TRRAP: variants seen among roughly 807,000 people sequenced by gnomAD.
TRRAP encodes transformation/transcription domain associated protein.
Under a neutral mutation model 438.8 loss-of-function variants are expected in TRRAP, and 41 were observed. That is an observed-to-expected ratio of 0.09 (90% CI 0.07 to 0.12). The LOEUF is 0.12. Among genes scored for constraint, TRRAP ranks in the 10% least tolerant of loss-of-function variants. The probability of loss-of-function intolerance (pLI) is 1.00; values close to 1 mark genes in which losing one functional copy is unlikely to be tolerated. For synonymous variants in TRRAP, 1,994 were observed against 1,962.9 expected, an observed-to-expected ratio of 1.02 and a Z score of -0.42; for missense variants, 3,122 against 5,055.1, an observed-to-expected ratio of 0.62 and a Z score of 11.60.
At chr7:98,944,807 G>A (rs185682373) in intron 31 of TRRAP, among the ~76,000 whole-genome samples, 3 of 152,172 alleles carry the variant, frequency 2.0e-5, no homozygotes, top group Admixed American at 6.5e-5. Flanking sequence ...AGCTGCCCTC[G>A]AGCATTTTTT....
Position 98,900,683 on chromosome 7 carries a change from C to T in TRRAP, c.860C>T (p.Thr287Ile). The T allele has an allele frequency of 1.2e-6, 2 of 1,613,594 alleles. No individual in the cohort carries two copies. The highest frequency in any genetic ancestry group is 1.3e-5 in the African/African-American group (1 of 75,044). ...GACTTCATTGCTGCTCAGATTAAAACATTGTCATTTTTAGCTTACATTATC... is the reference window on the plus strand; with the variant it reads ...GACTTCATTGCTGCTCAGATTAAAATATTGTCATTTTTAGCTTACATTATC... Reference protein sequence around the residue: ...YADFIAAQIKTLSFLAYIIRI... With the variant: ...YADFIAAQIKILSFLAYIIRI... The change falls in exon 11 of 73, where the codon ACA becomes ATA. Residue 287 changes from threonine to isoleucine, a missense_variant. Coordinates refer to ENST00000456197, the MANE Select transcript of TRRAP (RefSeq NM_001375524.1).
In TRRAP at chr7:98,962,345, C is replaced by G. The variant is rs779787768; in HGVS notation, c.6747C>G (p.Leu2249=). The change falls in exon 47 of 73, where the codon CTC becomes CTG. Residue 2249 remains leucine (L), a synonymous_variant. Coordinates refer to ENST00000456197, the MANE Select transcript of TRRAP (RefSeq NM_001375524.1). ...VASKYEELEC[L]YAAVGKVIYE... ...CCAAATATGAAGAGCTGGAGTGCCT[C>G]TACGCAGCCGTCGGAAAGGTCATCT... The G allele has an allele frequency of 3.1e-6, 5 of 1,614,084 alleles. No homozygotes were observed. Among genetic ancestry groups the G allele is most frequent in the Admixed American group, 1.7e-5 (1 of 60,010 alleles).
intron 7 of TRRAP, 28 bp downstream of exon 7, chr7:98,895,848 T>C (rs781953611): frequency 1.3e-6 from 2 of 1,549,822 alleles, no homozygotes; most frequent in Non-Finnish European, 1.8e-6. Flanking sequence ...TTTTAATTAG[T>C]TACATTTGTT....
At chr7:98,953,130 C>T (rs1554418621) in intron 39 of TRRAP, 37 bp from the exon 40 acceptor site, 1 of 1,600,786 alleles carries the variant, frequency 6.2e-7, no homozygotes, top group South Asian at 1.1e-5. Flanking sequence ...ACCCAGTTCA[C>T]AACTGGAAAT....
chr7:98,895,432 C>T (rs1349150783), intron 6 of TRRAP, among the ~76,000 whole-genome samples: 6 of 152,280 alleles, frequency 3.9e-5, no homozygotes, highest in East Asian at 3.9e-4. Context: ...CAGTGGTTTA[C>T]GGCCCCACAG....
intron 48 of TRRAP, 21 bp from the exon 49 acceptor site, chr7:98,965,675 G>C (rs760533675): frequency 2.5e-6 from 4 of 1,613,748 alleles, no homozygotes; most frequent in Non-Finnish European, 3.4e-6. Context: ...CCGTGGGTTT[G>C]TTCTTAATTG....
intron 22 of TRRAP, among the ~76,000 whole-genome samples, chr7:98,926,338 T>C (rs1469216208): frequency 6.6e-6 from 1 of 151,056 alleles, no homozygotes; most frequent in East Asian, 1.9e-4. Context: ...CAAACTATAG[T>C]GAAACAACTA....
chr7:98,976,042 A>G lies in TRRAP; in HGVS notation c.7840-107A>G. The G allele has an allele frequency of 7.4e-7, 1 of 1,357,412 alleles. No homozygotes were observed. Among genetic ancestry groups the G allele is most frequent in the Non-Finnish European group, 9.9e-7 (1 of 1,007,766 alleles). 84.1% of individuals were successfully genotyped at this position (1,357,412 alleles called of 1,614,324 possible). Reference sequence around the variant, plus strand: ...CAGATCTTTGAAACTTTGAAAGTGGAGGAGCATCGGTAATGTATGAGACAG... The same window carrying G: ...CAGATCTTTGAAACTTTGAAAGTGGGGGAGCATCGGTAATGTATGAGACAG... On this transcript the variant is annotated intron_variant, in intron 53 of 72. Coordinates refer to ENST00000456197, the MANE Select transcript of TRRAP (RefSeq NM_001375524.1). This position sits in a 1 kb window ranked among gnomAD's most constrained non-coding sequence, Gnocchi z 4.6.
chr7:98,950,408 G>C (rs782452439), intron 38 of TRRAP, 146 bp downstream of exon 38: 2 of 991,938 alleles, frequency 2.0e-6, no homozygotes, highest in Non-Finnish European at 2.9e-6. Flanking sequence ...TGTAATCCCA[G>C]GTACTCAGGA....
intron 69 of TRRAP, among the ~76,000 whole-genome samples, chr7:99,006,554 G>A (rs1299130891): frequency 6.6e-6 from 1 of 152,140 alleles, no homozygotes; most frequent in Non-Finnish European, 1.5e-5. Context: ...TTTCTTTATG[G>A]GTAGACGCCA....
intron 51 of TRRAP, among the ~76,000 whole-genome samples, chr7:98,969,638 G>T (rs561966483): frequency 6.6e-5 from 10 of 152,080 alleles, no homozygotes; most frequent in African/African-American, 2.4e-4. Flanking sequence ...GTGTGGTGGC[G>T]AGTGGCCCAA....
chr7:98,935,624 C>T lies in TRRAP; in HGVS notation c.4060C>T (p.Pro1354Ser), dbSNP rs1554414068. Residue 1354 changes from proline (P) to serine (S), a missense_variant, in exon 28 of 73, where the codon CCC (proline) becomes TCC (serine). Physicochemically the swap from Pro to Ser is moderately conservative, Grantham distance 74. Around this residue, in one of 24 missense-constraint regions of TRRAP, gnomAD observed 84 missense variants for 119.8 expected, o/e 0.70. Transcript: ENST00000456197. ...EAEDSALTKLPCYKSLPSLVP... is the reference protein window; with the variant it reads ...EAEDSALTKLSCYKSLPSLVP... ...TGAAGATTCAGCTTTAACAAAGCTG[C>T]CCTGTTATAAAAGCCTTCCGTCACT... 1.2e-6 allele frequency: 2 copies of T among 1,605,534 alleles called. No individual in the cohort carries two copies. Among genetic ancestry groups the T allele is most frequent in the African/African-American group, 1.3e-5 (1 of 74,816 alleles).
At chr7:98,980,831 A>G (rs1237704473) in intron 58 of TRRAP, among the ~76,000 whole-genome samples, 1 of 152,258 alleles carries the variant, frequency 6.6e-6, no homozygotes, top group East Asian at 1.9e-4. Context: ...AGGCAGGCAG[A>G]TCACTTGAGC....
intron 9 of TRRAP, 69 bp from the exon 10 acceptor site, chr7:98,899,609 CT>C: frequency 6.2e-7 from 1 of 1,605,396 alleles, no homozygotes; most frequent in Admixed American, 1.7e-5. Context: ...TGTGATGATT[CT>C]TCGGTATGCC....
chr7:99,001,545 T>TA (rs537451074), intron 67 of TRRAP, among the ~76,000 whole-genome samples: 202 of 150,348 alleles, frequency 1.3e-3, no homozygotes, highest in African/African-American at 4.4e-3. Context: ...TAAAAAAAAA[T>TA]AAAAAATCAC....
chr7:98,925,237 A>C lies in TRRAP; in HGVS notation c.2949A>C (p.Ala983=). 1 of 1,613,970 alleles carries C rather than the reference A, an allele frequency of 6.2e-7. No individual in the cohort carries two copies. ...TGAGCCTGGAGGACAACAAGCACGC[A>C]CTCTACCAGCTCCTGGCACACCCCA... is the stretch of plus-strand genomic sequence containing the variant. The part of the protein sequence containing the change: ...AMMSLEDNKH[A]LYQLLAHPNF... Residue 983 remains alanine (A), a synonymous_variant, in exon 22 of 73, where the codon GCA becomes GCC. Transcript: ENST00000456197.
At chr7:98,991,772 G>A (rs1339798196) in intron 64 of TRRAP, among the ~76,000 whole-genome samples, 2 of 152,194 alleles carry the variant, frequency 1.3e-5, no homozygotes, top group African/African-American at 4.8e-5. Flanking sequence ...GTGCCTGACA[G>A]ATTAGCTGGT....
At position 98,973,697 on chromosome 7, in the gene TRRAP, C is replaced by G. The variant is rs996745854; in HGVS notation, c.7839+1752C>G. ...AGTCTCAGGGCCCATCTGTGTCACC[C>G]TTTGTAAGAGGATTGCTCAGGCCGG... On this transcript the variant is annotated intron_variant, in intron 53 of 72. Transcript: ENST00000456197. 5.3e-5 allele frequency among the ~76,000 whole-genome samples: 8 copies of G among 152,270 alleles called. No homozygotes were observed. The East Asian group carries it at 1.4e-3, about 26-fold the overall frequency.
Position 98,910,159 on chromosome 7 carries a change from C to T in TRRAP, c.1454C>T (p.Pro485Leu). The change falls in exon 15 of 73, where the codon CCT becomes CTT. Residue 485 changes from proline to leucine, a missense_variant. Pro to Leu is a moderately conservative substitution (Grantham distance 98). Coordinates refer to ENST00000456197, the MANE Select transcript of TRRAP (RefSeq NM_001375524.1). ...SELGAVEAAL[P>L]GVPTAPAAPG... is the part of the protein sequence containing the mutation. Reference sequence around the variant, plus strand: ...CTTGGAGCCGTGGAAGCAGCTCTGCCTGGGGTGCCCACTGCCCCTGCAGCT... The same window carrying T: ...CTTGGAGCCGTGGAAGCAGCTCTGCTTGGGGTGCCCACTGCCCCTGCAGCT... The T allele has an allele frequency of 6.2e-7, 1 of 1,612,580 alleles. No individual in the cohort carries two copies. The highest frequency in any genetic ancestry group is 8.5e-7 in the Non-Finnish European group (1 of 1,179,530).
Sources: gnomAD v4.1 joint callset for allele counts (sites outside exome capture counted in the v4.1 genomes callset) on GRCh38, gnomAD v4.1.1 for gene constraint, gnomAD v4.1.1 regional missense constraint, Gnocchi (gnomAD v3.1) non-coding constraint, MANE v1.5 for transcripts, NCBI Gene and HGNC (gene_info 2026-07-23, HGNC 2026-07-21) for gene names.